FGFR1OP2: variants seen among roughly 807,000 people sequenced by gnomAD.
The protein encoded by FGFR1OP2 is FGFR1 oncogene partner 2.
Under a neutral mutation model 35.2 loss-of-function variants are expected in FGFR1OP2, and 17 were observed. The ratio of observed to expected loss-of-function variants is 0.48; its 90% CI spans 0.33 to 0.73. The LOEUF (loss-of-function observed/expected upper bound fraction) is 0.73, where lower values mean the gene tolerates loss of function less well. FGFR1OP2 is among the 30% of genes least tolerant of loss of function. FGFR1OP2 has a pLI of 0.02. For synonymous variants in FGFR1OP2, 105 were observed against 104.6 expected, an observed-to-expected ratio of 1.00 and a Z score of -0.03; for missense variants, 251 against 307.3, an observed-to-expected ratio of 0.82 and a Z score of 1.37.
rs1939170673 is a variant in FGFR1OP2, at chr12:26,965,918, T to C, written c.*1185T>C. On this transcript the variant is annotated 3_prime_UTR_variant, in exon 7 of 7. Coordinates refer to ENST00000229395, the MANE Select transcript of FGFR1OP2 (RefSeq NM_015633.3). ...CCTAAATTTTCTTATGTTGTGGTGA[T>C]TGTATTAAAAAGGGATAAAAGAAGA... 2 of 152,070 alleles carry C rather than the reference T, an allele frequency of 1.3e-5. No individual in the cohort carries two copies. The highest frequency in any genetic ancestry group is 6.6e-5 in the Admixed American group (1 of 15,266). The allele number at this position is 152,070 out of a possible 1,614,324, so 9.4% of individuals were successfully genotyped here. A position where few individuals can be genotyped will look rare whatever the true frequency, so the allele number is the denominator to read the frequency against.
intron 1 of FGFR1OP2, among the ~76,000 whole-genome samples, chr12:26,943,832 A>G (rs966624525): frequency 1.3e-5 from 2 of 152,176 alleles, no homozygotes; most frequent in African/African-American, 4.8e-5. Context: ...TGTCTCAAAA[A>G]AAAGAAAAAG....
chr12:26,949,556 T>A (rs2136351807), intron 1 of FGFR1OP2, among the ~76,000 whole-genome samples: 1 of 152,228 alleles, frequency 6.6e-6, no homozygotes, highest in East Asian at 1.9e-4. Flanking sequence ...TTAAATGAAA[T>A]GTTTCATGGA....
Position 26,943,436 on chromosome 12 carries a change from C to T in FGFR1OP2, c.-15+4726C>T, listed in dbSNP as rs980648478. On this transcript the variant is annotated intron_variant, in intron 1 of 6. Transcript: ENST00000229395. ...TTGTTATCTAGTTTCTTTGCATTTC[C>T]AAGCTAATTTTAGAATTAGCTTGTC... Among the ~76,000 whole-genome samples, 4 of 149,518 alleles carry T rather than the reference C, an allele frequency of 2.7e-5. No homozygotes were observed. The South Asian group carries it at 8.6e-4, about 32-fold the overall frequency.
intron 1 of FGFR1OP2, among the ~76,000 whole-genome samples, chr12:26,947,951 A>G (rs983303233): frequency 8.6e-5 from 13 of 151,942 alleles, no homozygotes; most frequent in African/African-American, 1.9e-4. Flanking sequence ...ATTCATTTCA[A>G]TTAATCTATT....
intron 1 of FGFR1OP2, among the ~76,000 whole-genome samples, chr12:26,941,910 C>A (rs1328415889): frequency 6.6e-6 from 1 of 152,138 alleles, no homozygotes; most frequent in Non-Finnish European, 1.5e-5. Context: ...AGGTAAAAAG[C>A]AAACAGGACC....
At chr12:26,961,062 T>C (rs12581901) in intron 5 of FGFR1OP2, 9,747 of 158,332 alleles carry the variant, frequency 0.062, 469 homozygotes, top group East Asian at 0.21. Flanking sequence ...TGCCTTTGTT[T>C]AGATGTTAGG....
rs539830462 is a variant in FGFR1OP2, at chr12:26,957,358, G to A, written c.254-243G>A. ...GTCTGTGGCCCTTAATATAGAGGGA[G>A]CCTTGGCCGATATTAATTGCTGTTT... On this transcript the variant is annotated intron_variant, in intron 3 of 6. Transcript: ENST00000229395. 2.0e-5 allele frequency among the ~76,000 whole-genome samples: 3 copies of A among 152,268 alleles called. No individual in the cohort carries two copies. The South Asian group carries it at 6.2e-4, about 32-fold the overall frequency.
chr12:26,960,663 G>T, intron 5 of FGFR1OP2, 35 bp downstream of exon 5: 1 of 1,581,286 alleles, frequency 6.3e-7, no homozygotes, highest in South Asian at 1.1e-5. Flanking sequence ...TTGGGGTGTG[G>T]ATGGAAGGGG....
rs369056114 is a variant in FGFR1OP2, at chr12:26,954,191, C to T, written c.33C>T (p.Asp11=). 8.7e-6 allele frequency: 14 copies of T among 1,607,950 alleles called. No individual in the cohort carries two copies. The highest frequency in any genetic ancestry group is 6.7e-5 in the African/African-American group (5 of 74,784). Residue 11 remains aspartate (D), a synonymous_variant, in exon 2 of 7, where the codon GAC becomes GAT. Transcript: ENST00000229395. ...GCACAATTGAGAAGGCACTTGCCGA[C>T]GCTAAAGCTCTTGTTGAAAGATTAA... The part of the protein sequence containing the change: MSCTIEKALA[D]AKALVERLRD...
intron 1 of FGFR1OP2, among the ~76,000 whole-genome samples, chr12:26,951,242 G>A (rs547600072): frequency 4.4e-4 from 66 of 151,700 alleles, no homozygotes; most frequent in Admixed American, 2.2e-3. Flanking sequence ...CTGCCTACTG[G>A]GTTTAAGTGA....
chr12:26,938,591 T>TTGC lies in FGFR1OP2; in HGVS notation c.-131_-129dup, dbSNP rs966441717. On this transcript the variant is annotated 5_prime_UTR_variant, in exon 1 of 7. The change abolishes the stop of an existing upstream ORF in the 5' untranslated region. Coordinates refer to ENST00000229395, the MANE Select transcript of FGFR1OP2 (RefSeq NM_015633.3). ...TGCCTCCGTCCGATTCTGCGTCTGC[T>TTGC]TGCTGAGGAGGCGGATTAGGGGGGC... 5 of 152,404 alleles carry TTGC rather than the reference T, an allele frequency of 3.3e-5. No individual in the cohort carries two copies. Among genetic ancestry groups the TTGC allele is most frequent in the African/African-American group, 1.2e-4 (5 of 41,458 alleles). The allele number at this position is 152,404 out of a possible 1,614,324, so 9.4% of individuals were successfully genotyped here.
chr12:26,953,268 C>CAA lies in FGFR1OP2; in HGVS notation c.-14-857_-14-856dup, dbSNP rs10714749. Among the ~76,000 whole-genome samples the CAA allele has an allele frequency of 2.1e-3, 163 of 78,196 alleles. 3 individuals carry two copies. Among genetic ancestry groups the CAA allele is most frequent in the African/African-American group, 4.6e-3 (91 of 19,640 alleles). 51.3% of individuals were successfully genotyped at this position (78,196 alleles called of 152,430 possible). A position where few individuals can be genotyped will look rare whatever the true frequency, so the allele number is the denominator to read the frequency against. On this transcript the variant is annotated intron_variant, in intron 1 of 6. Coordinates refer to ENST00000229395, the MANE Select transcript of FGFR1OP2 (RefSeq NM_015633.3). ...GGGCGACAGAGCGAGACTGTGTCTC[C>CAA]AAAAAAAAAAAAAAAAAAAAAGGAA...
At chr12:26,948,602 C>T (rs967155474) in intron 1 of FGFR1OP2, among the ~76,000 whole-genome samples, 7 of 152,184 alleles carry the variant, frequency 4.6e-5, no homozygotes, top group African/African-American at 1.7e-4. Context: ...AATGTGACTA[C>T]AACGTGTCTG....
intron 2 of FGFR1OP2, among the ~76,000 whole-genome samples, chr12:26,955,942 G>C (rs58705648): frequency 0.073 from 11,061 of 152,140 alleles, 497 homozygotes; most frequent in Non-Finnish European, 0.1. Flanking sequence ...CCTGTGACTT[G>C]CTGGCTGCAT....
chr12:26,963,232 A>G (rs1467191060), intron 5 of FGFR1OP2, 110 bp from the exon 6 acceptor site: 1 of 577,244 alleles, frequency 1.7e-6, no homozygotes, highest in East Asian at 2.9e-5. Flanking sequence ...ATATTAAGTG[A>G]CAATGTAAGA....
In FGFR1OP2 at chr12:26,964,776, T is replaced by C; in HGVS notation, c.*43T>C. ...GAGCTTCTTACATGGCTCCAAATGG[T>C]CAAATAAGTGAATGAATGAATGGAC... On this transcript the variant is annotated 3_prime_UTR_variant, in exon 7 of 7. Coordinates refer to ENST00000229395, the MANE Select transcript of FGFR1OP2 (RefSeq NM_015633.3). 9 of 1,581,322 alleles carry C rather than the reference T, an allele frequency of 5.7e-6. No individual in the cohort carries two copies. The highest frequency in any genetic ancestry group is 7.7e-6 in the Non-Finnish European group (9 of 1,162,108).
At position 26,943,589 on chromosome 12, in the gene FGFR1OP2, T is replaced by C. The variant is rs151093192; in HGVS notation, c.-15+4879T>C. 3.6e-3 allele frequency among the ~76,000 whole-genome samples: 545 copies of C among 152,184 alleles called. 1 individual carries two copies. The highest frequency in any genetic ancestry group is 0.013 in the African/African-American group (523 of 41,518). ...CCTGTAATCCCAGCACTTTGGGAAG[T>C]CAAGGCAGGAGGATCACTTGAGGTC... On this transcript the variant is annotated intron_variant, in intron 1 of 6. Transcript: ENST00000229395.
Position 26,964,784 on chromosome 12 carries a change from G to GTGAA in FGFR1OP2, c.*62_*65dup, listed in dbSNP as rs748009554. On this transcript the variant is annotated 3_prime_UTR_variant, in exon 7 of 7. Transcript: ENST00000229395. ...TACATGGCTCCAAATGGTCAAATAA[G>GTGAA]TGAATGAATGAATGGACAGAAAATT... 1.8e-5 allele frequency: 28 copies of GTGAA among 1,570,186 alleles called. No individual in the cohort carries two copies. Among genetic ancestry groups the GTGAA allele is most frequent in the Non-Finnish European group, 2.3e-5 (27 of 1,152,470 alleles).
In FGFR1OP2 at chr12:26,960,628, T is replaced by A; in HGVS notation, c.510T>A (p.Asn170Lys). Reference protein sequence around the residue: ...LERRHLEANQNELQAHVDQIT... With the variant: ...LERRHLEANQKELQAHVDQIT... The stretch of plus-strand genomic sequence containing the variant: ...GAAGGCACTTGGAAGCAAATCAGAA[T>A]GTACACTAAATAAACAGTCAACTTT... The change falls in exon 5 of 7, where the codon AAT becomes AAA. Residue 170 changes from asparagine (N) to lysine (K), a missense_variant and splice_region_variant. By Grantham distance (94) the Asn-to-Lys change is moderately conservative (BLOSUM62 0). Transcript: ENST00000229395. 2 of 1,612,232 alleles carry A rather than the reference T, an allele frequency of 1.2e-6. No homozygotes were observed.
Sources: gnomAD v4.1 joint callset for allele counts (sites outside exome capture counted in the v4.1 genomes callset) on GRCh38, gnomAD v4.1.1 for gene constraint, MANE v1.5 for transcripts, NCBI Gene and HGNC (gene_info 2026-07-23, HGNC 2026-07-21) for gene names.